The following COL27A1 variants were observed in gnomAD, a reference collection of about 807,000 sequenced individuals.
COL27A1 encodes collagen type XXVII alpha 1 chain.
In COL27A1, 106 loss-of-function variants were observed where a neutral mutation model predicts 251.3. The ratio of observed to expected loss-of-function variants is 0.42; its 90% CI spans 0.36 to 0.50. The LOEUF is 0.50. COL27A1 is among the 20% of genes least tolerant of loss of function. COL27A1 has a pLI of 0.00. For missense variants in COL27A1, 2,325 were observed against 2,522.8 expected, an observed-to-expected ratio of 0.92 and a Z score of 1.68; for synonymous variants, 1,000 against 986.3, an observed-to-expected ratio of 1.01 and a Z score of -0.26.
At chr9:114,278,177 TG>T (rs1234979469) in intron 37 of COL27A1, among the ~76,000 whole-genome samples, 2 of 148,310 alleles carry the variant, frequency 1.3e-5, no homozygotes, top group Non-Finnish European at 3.0e-5. Flanking sequence ...ATGGTGTGGG[TG>T]GGGGCAGCAG....
chr9:114,199,460 T>C (rs1444313149), intron 7 of COL27A1, among the ~76,000 whole-genome samples: 1 of 152,126 alleles, frequency 6.6e-6, no homozygotes, highest in East Asian at 1.9e-4. Context: ...GCCCCCGCTG[T>C]GTAGAAACCC....
At chr9:114,307,983 G>C (rs1198859242) in intron 59 of COL27A1, among the ~76,000 whole-genome samples, 1 of 152,114 alleles carries the variant, frequency 6.6e-6, no homozygotes, top group Non-Finnish European at 1.5e-5. Context: ...AAACCCTTTC[G>C]AGTCATATGA....
chr9:114,225,389 G>T (rs1039674698), intron 14 of COL27A1, among the ~76,000 whole-genome samples: 14 of 152,066 alleles, frequency 9.2e-5, no homozygotes, highest in African/African-American at 3.1e-4. Flanking sequence ...TCTTTTTTTG[G>T]CCACTTTCAG....
At chr9:114,212,186 G>T (rs1830413144) in intron 12 of COL27A1, among the ~76,000 whole-genome samples, 1 of 152,186 alleles carries the variant, frequency 6.6e-6, no homozygotes. Context: ...CTTCTCTAAG[G>T]TCCAACACCT....
chr9:114,310,962 G>A lies in COL27A1; in HGVS notation c.*267G>A, dbSNP rs898078673. 2.1e-5 allele frequency: 8 copies of A among 384,724 alleles called. No homozygotes were observed. The highest frequency in any genetic ancestry group is 6.0e-5 in the African/African-American group (3 of 49,718). 23.8% of individuals were successfully genotyped at this position (384,724 alleles called of 1,614,324 possible). On this transcript the variant is annotated 3_prime_UTR_variant, in exon 61 of 61. Transcript: ENST00000356083. ...TGGACCTGCAACCTGCCTGAGCCCCGTGGCCTCTCAGCTCTGCGGCCACCC... is the reference window on the plus strand; with the variant it reads ...TGGACCTGCAACCTGCCTGAGCCCCATGGCCTCTCAGCTCTGCGGCCACCC...
intron 39 of COL27A1, 72 bp downstream of exon 39, chr9:114,282,636 C>T: frequency 1.0e-6 from 1 of 993,782 alleles, no homozygotes; most frequent in South Asian, 1.7e-5. Context: ...AAAGGAGACA[C>T]CAGGCTTCTC....
At chr9:114,263,924 A>G (rs1255461448) in intron 28 of COL27A1, among the ~76,000 whole-genome samples, 1 of 152,132 alleles carries the variant, frequency 6.6e-6, no homozygotes, top group Non-Finnish European at 1.5e-5. Flanking sequence ...CTGCTCTGTC[A>G]GTTTCCCCTG....
chr9:114,300,992 G>A (rs892874331), intron 51 of COL27A1, 80 bp from the exon 52 acceptor site: 35 of 1,400,100 alleles, frequency 2.5e-5, no homozygotes, highest in South Asian at 2.0e-4. Context: ...TGCGACGCTC[G>A]GGCTGCCCTC....
intron 7 of COL27A1, among the ~76,000 whole-genome samples, chr9:114,196,361 C>G (rs1829127581): frequency 6.6e-6 from 1 of 152,206 alleles, no homozygotes. Context: ...CTCCACCACC[C>G]ACTGTCTGAG....
chr9:114,235,666 AT>A lies in COL27A1; in HGVS notation c.2619+18del. ...CAAGGAGACAAGGTAATTGCATGAGATTTTCCCCTCCCCCTGCCCCTGCCCC... is the reference window on the plus strand; with the variant it reads ...CAAGGAGACAAGGTAATTGCATGAGATTTCCCCTCCCCCTGCCCCTGCCCC... On this transcript the variant is annotated intron_variant, in intron 17 of 60. Coordinates refer to ENST00000356083, the MANE Select transcript of COL27A1 (RefSeq NM_032888.4). 6.2e-7 allele frequency: 1 copy of A among 1,605,828 alleles called. No individual in the cohort carries two copies. The highest frequency in any genetic ancestry group is 8.5e-7 in the Non-Finnish European group (1 of 1,173,196).
rs558056205 is a variant in COL27A1, at chr9:114,190,929, A to G, written c.2017-3475A>G. The stretch of plus-strand genomic sequence containing the variant: ...GTTAGTTAGACTTTGTATATAACTT[A>G]TATTTCTTATTGGAAGATTTGCAGG... On this transcript the variant is annotated intron_variant, in intron 5 of 60. Coordinates refer to ENST00000356083, the MANE Select transcript of COL27A1 (RefSeq NM_032888.4). Among the ~76,000 whole-genome samples, 11 of 152,310 alleles carry G rather than the reference A, an allele frequency of 7.2e-5. No individual in the cohort carries two copies. In the South Asian group the frequency reaches 2.3e-3, roughly 32 times the overall value.
At chr9:114,249,956 C>A (rs1833407605) in intron 24 of COL27A1, among the ~76,000 whole-genome samples, 2 of 152,186 alleles carry the variant, frequency 1.3e-5, no homozygotes, top group African/African-American at 4.8e-5. Context: ...GGCTGTCCAC[C>A]CTCGCTGCGC....
intron 49 of COL27A1, among the ~76,000 whole-genome samples, chr9:114,296,130 A>G (rs1288839926): frequency 6.6e-6 from 1 of 152,250 alleles, no homozygotes; most frequent in East Asian, 1.9e-4. Flanking sequence ...GGACATCTTC[A>G]AGAACTTGGA....
intron 56 of COL27A1, among the ~76,000 whole-genome samples, chr9:114,303,242 C>CTTTTTTTTTTTTTTT (rs71367759): frequency 7.6e-6 from 1 of 132,206 alleles, no homozygotes; most frequent in African/African-American, 2.7e-5. Flanking sequence ...TTTTTCTTTT[C>CTTTTTTTTTTTTTTT]TTTTTTTTTT....
intron 7 of COL27A1, among the ~76,000 whole-genome samples, chr9:114,202,550 G>A (rs928946769): frequency 1.3e-5 from 2 of 152,052 alleles, no homozygotes; most frequent in Non-Finnish European, 2.9e-5. Context: ...ACATCATGTC[G>A]CGCTACCTCC....
intron 37 of COL27A1, among the ~76,000 whole-genome samples, chr9:114,278,651 GTGA>G (rs1384835954): frequency 3.0e-4 from 45 of 150,622 alleles, no homozygotes; most frequent in Admixed American, 2.6e-3. Flanking sequence ...GATGATGATG[GTGA>G]TGATGATGAT....
intron 7 of COL27A1, among the ~76,000 whole-genome samples, chr9:114,198,757 G>C (rs1285276513): frequency 6.6e-6 from 1 of 152,166 alleles, no homozygotes; most frequent in South Asian, 2.1e-4. Flanking sequence ...GAAGGAATTT[G>C]CTGGGCCAGT....
At chr9:114,233,095 C>T (rs1196112939) in intron 16 of COL27A1, among the ~76,000 whole-genome samples, 2 of 152,114 alleles carry the variant, frequency 1.3e-5, no homozygotes, top group Non-Finnish European at 2.9e-5. Flanking sequence ...CCTGAGGCCA[C>T]GCAGCTGGTA....
rs1832907715 is a variant in COL27A1 at position 114,243,557 on chromosome 9, G to A, written c.2931G>A (p.Val977=). Residue 977 remains valine (V), a synonymous_variant, in exon 23 of 61, where the codon GTG becomes GTA. Coordinates refer to ENST00000356083, the MANE Select transcript of COL27A1 (RefSeq NM_032888.4). The part of the protein sequence containing the change: ...GFPGRPGLDG[V]KGEPGDPGRP... ...CTGGGAGGCCCGGCCTGGATGGCGT[G>A]AAGGTGAGGGGACCTGGAGATCCCT... 1 of 1,613,200 alleles carries A rather than the reference G, an allele frequency of 6.2e-7. No individual in the cohort carries two copies. The highest frequency in any genetic ancestry group is 1.1e-5 in the South Asian group (1 of 91,012).
Sources: allele counts gnomAD v4.1 joint callset (sites outside exome capture counted in the v4.1 genomes callset), GRCh38; gene constraint gnomAD v4.1.1; transcripts MANE v1.5; gene names NCBI Gene and HGNC (gene_info 2026-07-23, HGNC 2026-07-21).